ACYP2: variants seen among roughly 807,000 people sequenced by gnomAD.
ACYP2 encodes the protein acylphosphatase 2.
ACYP2 carries 12 observed loss-of-function variants against 11.2 expected under a neutral mutation model. That is an observed-to-expected ratio of 1.08 (90% CI 0.69 to 1.74). The LOEUF (loss-of-function observed/expected upper bound fraction) is 1.74. ACYP2 is among the 40% of genes most tolerant of loss of function. ACYP2 has a pLI of 0.00. For synonymous variants in ACYP2, 43 were observed against 32.2 expected (o/e 1.33, Z -1.13); for missense variants, 134 against 101.9 (o/e 1.31, Z -1.35).
intron 2 of ACYP2, among the ~76,000 whole-genome samples, chr2:53,996,068 A>C (rs1672558470): frequency 1.3e-5 from 2 of 151,822 alleles, no homozygotes; most frequent in South Asian, 4.2e-4. Context: ...TGGGAGGTGG[A>C]GATGGCAGTC....
intron 6 of ACYP2, among the ~76,000 whole-genome samples, chr2:54,294,251 C>A (rs913858055): frequency 6.6e-6 from 1 of 152,146 alleles, no homozygotes; most frequent in African/African-American, 2.4e-5. Flanking sequence ...TATATCACCC[C>A]AGGAGCTTAC....
Position 54,169,060 on chromosome 2 carries a change from A to G in ACYP2, c.404+30312A>G, listed in dbSNP as rs568529141. ...AGGAGTGTTACAGAAGAATTTTTCT[A>G]CCTAAATAATTTTGAACGCTATTCT... On this transcript the variant is annotated intron_variant, in intron 6 of 6. Coordinates refer to ENST00000607452, the MANE Select transcript of ACYP2 (RefSeq NM_001320586.2). 9.2e-5 allele frequency among the ~76,000 whole-genome samples: 14 copies of G among 152,306 alleles called. No individual in the cohort carries two copies. The South Asian group carries it at 2.7e-3, about 29-fold the overall frequency.
At chr2:54,126,049 C>G (rs558645980) in intron 4 of ACYP2, among the ~76,000 whole-genome samples, 1 of 152,080 alleles carries the variant, frequency 6.6e-6, no homozygotes, top group African/African-American at 2.4e-5. Context: ...CCACTGCACT[C>G]CAGCCTGGGC....
intron 6 of ACYP2, among the ~76,000 whole-genome samples, chr2:54,209,118 G>A (rs1685220212): frequency 6.6e-6 from 1 of 151,134 alleles, no homozygotes; most frequent in South Asian, 2.1e-4. Context: ...AAAAAAATCT[G>A]TTTTCTTAAA....
At chr2:53,990,358 A>C (rs1201455290) in intron 2 of ACYP2, among the ~76,000 whole-genome samples, 2 of 152,112 alleles carry the variant, frequency 1.3e-5, no homozygotes, top group African/African-American at 4.8e-5. Context: ...TTGATATATC[A>C]AGAATCCTAG....
chr2:54,170,683 G>A (rs1322351004), intron 6 of ACYP2, among the ~76,000 whole-genome samples: 2 of 151,978 alleles, frequency 1.3e-5, no homozygotes, highest in African/African-American at 4.8e-5. Flanking sequence ...ATGACTTTGG[G>A]ATTGTAATAT....
intron 6 of ACYP2, among the ~76,000 whole-genome samples, chr2:54,225,293 G>T (rs962924725): frequency 3.9e-5 from 6 of 152,122 alleles, no homozygotes; most frequent in African/African-American, 7.2e-5. Flanking sequence ...AAAAGGAGCT[G>T]GTTATTGTGA....
At chr2:54,002,535 G>A (rs1002852241) in intron 2 of ACYP2, among the ~76,000 whole-genome samples, 1 of 151,792 alleles carries the variant, frequency 6.6e-6, no homozygotes, top group African/African-American at 2.4e-5. Flanking sequence ...TAGTAGAGAC[G>A]AGGGACAGGG....
chr2:54,129,928 T>G (rs1358835445), intron 4 of ACYP2, among the ~76,000 whole-genome samples: 1 of 148,802 alleles, frequency 6.7e-6, no homozygotes, highest in African/African-American at 2.4e-5. Flanking sequence ...AATAAAGATA[T>G]ATAAAAATTT....
chr2:54,224,192 C>G (rs1467069097), intron 6 of ACYP2, among the ~76,000 whole-genome samples: 6 of 152,180 alleles, frequency 3.9e-5, no homozygotes, highest in Non-Finnish European at 8.8e-5. Context: ...CAATGCCCCA[C>G]CCAGGCCTCA....
rs532171111 is a variant in ACYP2 at position 54,277,509 on chromosome 2, C to T, written c.405-27179C>T. ...CCTGACCAACATGGTGAAACCCCGT[C>T]TCTACTAAAAATACAAAAATTAGCC... On this transcript the variant is annotated intron_variant, in intron 6 of 6. Transcript: ENST00000607452. 1.2e-4 allele frequency among the ~76,000 whole-genome samples: 19 copies of T among 152,150 alleles called. No homozygotes were observed. The East Asian group carries it at 3.5e-3, about 28-fold the overall frequency.
chr2:54,179,938 C>T (rs1237513982), intron 6 of ACYP2, among the ~76,000 whole-genome samples: 1 of 152,078 alleles, frequency 6.6e-6, no homozygotes, highest in Non-Finnish European at 1.5e-5. Flanking sequence ...GGGCTCAGTC[C>T]CCAAGGTTCC....
intron 6 of ACYP2, among the ~76,000 whole-genome samples, chr2:54,250,490 G>T (rs189066793): frequency 6.6e-6 from 1 of 151,822 alleles, no homozygotes; most frequent in Non-Finnish European, 1.5e-5. Context: ...GGGGGGCGTT[G>T]AAAGTATCTT....
chr2:53,991,566 T>C (rs6742042), intron 2 of ACYP2, among the ~76,000 whole-genome samples: 66,021 of 151,604 alleles, frequency 0.44, 14,616 homozygotes, highest in South Asian at 0.51. Context: ...CCACCACACC[T>C]GGATAATTTT....
intron 4 of ACYP2, among the ~76,000 whole-genome samples, chr2:54,087,000 G>C (rs1263118163): frequency 6.6e-6 from 1 of 152,318 alleles, no homozygotes; most frequent in Non-Finnish European, 1.5e-5. Context: ...AACTAGTAGA[G>C]CTATTTTAAA....
chr2:54,162,099 C>A (rs557365460), intron 6 of ACYP2, among the ~76,000 whole-genome samples: 33 of 152,214 alleles, frequency 2.2e-4, no homozygotes, highest in African/African-American at 7.2e-4. Context: ...CTCAGAGAGT[C>A]ATTTCTCAAA....
intron 2 of ACYP2, among the ~76,000 whole-genome samples, chr2:54,022,128 A>G (rs1031427158): frequency 1.2e-4 from 18 of 152,066 alleles, no homozygotes; most frequent in Non-Finnish European, 2.1e-4. Flanking sequence ...TGATTCACCA[A>G]TTTTGAATGT....
intron 5 of ACYP2, among the ~76,000 whole-genome samples, chr2:54,137,339 C>T (rs893185412): frequency 3.9e-5 from 6 of 152,042 alleles, no homozygotes; most frequent in Admixed American, 2.0e-4. Flanking sequence ...TAGGTAAACT[C>T]GTGTCATGGG....
chr2:53,986,528 G>A (rs1414187723), intron 2 of ACYP2, among the ~76,000 whole-genome samples: 1 of 151,694 alleles, frequency 6.6e-6, no homozygotes, highest in Non-Finnish European at 1.5e-5. Context: ...GTAGAGATGG[G>A]ATTTCACCAT....
Sources: gnomAD v4.1 joint callset for allele counts (sites outside exome capture counted in the v4.1 genomes callset) on GRCh38, gnomAD v4.1.1 for gene constraint, MANE v1.5 for transcripts, NCBI Gene and HGNC (gene_info 2026-07-23, HGNC 2026-07-21) for gene names.